Variants in GRM7 observed in about 807,000 individuals in gnomAD.
The protein encoded by GRM7 is glutamate metabotropic receptor 7.
A neutral mutation model predicts 84.5 loss-of-function variants in GRM7; 35 were observed. That is an observed-to-expected ratio of 0.41 (90% CI 0.32 to 0.55). The LOEUF (loss-of-function observed/expected upper bound fraction) is 0.55. Among genes scored for constraint, GRM7 ranks in the 20% least tolerant of loss-of-function variants. GRM7 has a pLI of 0.19. For synonymous variants in GRM7, 487 were observed against 455.1 expected (o/e 1.07, Z -0.89); for missense variants, 1,003 against 1,194.6 (o/e 0.84, Z 2.36).
intron 4 of GRM7, among the ~76,000 whole-genome samples, chr3:7,367,301 A>AT (rs200401589): frequency 4.9e-4 from 74 of 149,786 alleles, no homozygotes; most frequent in South Asian, 2.3e-3. Flanking sequence ...ATTTCCAGTG[A>AT]TTTTTTTTTG....
At chr3:6,962,794 A>G (rs1025338894) in intron 1 of GRM7, among the ~76,000 whole-genome samples, 4 of 152,242 alleles carry the variant, frequency 2.6e-5, no homozygotes, top group Admixed American at 6.5e-5. Context: ...GGAGGGGGAC[A>G]GTTCCAGGTT....
intron 7 of GRM7, among the ~76,000 whole-genome samples, chr3:7,546,444 T>C (rs1354377242): frequency 6.6e-6 from 1 of 152,216 alleles, no homozygotes. Context: ...GTTGAATAAT[T>C]CAAGTCTTCA....
chr3:7,190,829 C>A (rs1695686964), intron 2 of GRM7, among the ~76,000 whole-genome samples: 1 of 152,108 alleles, frequency 6.6e-6, no homozygotes, highest in African/African-American at 2.4e-5. Flanking sequence ...CCCCTCTTGG[C>A]ACTCTCTAGC....
chr3:7,402,697 T>G (rs894024094), intron 4 of GRM7, among the ~76,000 whole-genome samples: 1 of 152,148 alleles, frequency 6.6e-6, no homozygotes, highest in African/African-American at 2.4e-5. Flanking sequence ...TAAGCTTCTC[T>G]AGGTGTCCAA....
At chr3:7,164,648 T>A (rs1694743299) in intron 2 of GRM7, among the ~76,000 whole-genome samples, 1 of 152,236 alleles carries the variant, frequency 6.6e-6, no homozygotes, top group African/African-American at 2.4e-5. Flanking sequence ...AGACAATATT[T>A]TCTGGTTGTA....
At chr3:7,508,685 C>G (rs940225719) in intron 7 of GRM7, among the ~76,000 whole-genome samples, 1 of 152,150 alleles carries the variant, frequency 6.6e-6, no homozygotes, top group African/African-American at 2.4e-5. Flanking sequence ...TTTGGAAAAA[C>G]GGTTCTTACG....
At chr3:7,378,912 A>G (rs561096780) in intron 4 of GRM7, among the ~76,000 whole-genome samples, 6 of 152,286 alleles carry the variant, frequency 3.9e-5, no homozygotes, top group African/African-American at 7.2e-5. Context: ...AGAATCAACA[A>G]TGTCATGCAA....
At chr3:7,260,458 C>T (rs1559534629) in intron 2 of GRM7, among the ~76,000 whole-genome samples, 1 of 152,016 alleles carries the variant, frequency 6.6e-6, no homozygotes. Flanking sequence ...AGGAATTTAT[C>T]CGTTTCTTCT....
intron 8 of GRM7, among the ~76,000 whole-genome samples, chr3:7,624,504 C>T (rs1026697577): frequency 3.3e-5 from 5 of 151,136 alleles, no homozygotes; most frequent in African/African-American, 1.2e-4. Context: ...AATACTTTTA[C>T]AAAACCCATA....
intron 5 of GRM7, among the ~76,000 whole-genome samples, chr3:7,452,002 G>A (rs1379139432): frequency 1.3e-5 from 2 of 152,114 alleles, no homozygotes; most frequent in Admixed American, 6.6e-5. Context: ...ATGGTGGGAG[G>A]CATAAAGAGG....
At chr3:7,473,587 T>C (rs1272339731) in intron 7 of GRM7, among the ~76,000 whole-genome samples, 4 of 151,902 alleles carry the variant, frequency 2.6e-5, no homozygotes, top group African/African-American at 7.2e-5. Context: ...AGGGCAGATA[T>C]TTTTTAAGAT....
At chr3:7,319,231 G>T (rs1700687313) in intron 4 of GRM7, among the ~76,000 whole-genome samples, 1 of 151,968 alleles carries the variant, frequency 6.6e-6, no homozygotes, top group Non-Finnish European at 1.5e-5. Context: ...CCAGTAGATA[G>T]AGGGTGCATT....
chr3:7,506,831 C>T (rs1324065770), intron 7 of GRM7, among the ~76,000 whole-genome samples: 1 of 152,166 alleles, frequency 6.6e-6, no homozygotes, highest in Non-Finnish European at 1.5e-5. Context: ...CTAATCTACT[C>T]ATGAGGGCAG....
chr3:7,408,000 C>T (rs73810616), intron 4 of GRM7, among the ~76,000 whole-genome samples: 4,370 of 152,174 alleles, frequency 0.029, 217 homozygotes, highest in African/African-American at 0.099. Flanking sequence ...TTAGCACATC[C>T]GATAGTTAGA....
chr3:7,333,036 G>A (rs1296184315), intron 4 of GRM7, among the ~76,000 whole-genome samples: 1 of 152,020 alleles, frequency 6.6e-6, no homozygotes, highest in Admixed American at 6.6e-5. Flanking sequence ...GCCACCTCCT[G>A]GCTGGAGGTC....
At chr3:7,592,020 G>T (rs527756111) in intron 8 of GRM7, among the ~76,000 whole-genome samples, 41 of 152,178 alleles carry the variant, frequency 2.7e-4, no homozygotes, top group African/African-American at 9.9e-4. Context: ...ATTAACAATA[G>T]TATTTGTCTC....
chr3:6,901,790 A>C (rs1228948476), intron 1 of GRM7, among the ~76,000 whole-genome samples: 9 of 151,694 alleles, frequency 5.9e-5, no homozygotes, highest in African/African-American at 1.9e-4. Context: ...TGTTATTTTT[A>C]AATTTTTATT....
At chr3:7,659,594 G>A (rs764310315) in intron 8 of GRM7, among the ~76,000 whole-genome samples, 8 of 152,160 alleles carry the variant, frequency 5.3e-5, no homozygotes, top group Admixed American at 2.6e-4. Flanking sequence ...AGCCCCATCT[G>A]TTCACAGGTA....
intron 1 of GRM7, among the ~76,000 whole-genome samples, chr3:7,060,616 T>G (rs1697405549): frequency 6.6e-6 from 1 of 151,762 alleles, no homozygotes; most frequent in African/African-American, 2.4e-5. Flanking sequence ...TTAACTATTG[T>G]TATGTTAAGC....
Sources: allele counts gnomAD v4.1 joint callset (sites outside exome capture counted in the v4.1 genomes callset), GRCh38; gene constraint gnomAD v4.1.1; transcripts MANE v1.5; gene names NCBI Gene and HGNC (gene_info 2026-07-23, HGNC 2026-07-21).